TMEM168: variants seen among roughly 807,000 people sequenced by gnomAD.
The protein encoded by TMEM168 is transmembrane protein 168.
TMEM168 carries 40 observed loss-of-function variants against 53.2 expected under a neutral mutation model. That is an observed-to-expected ratio of 0.75 (90% CI 0.58 to 0.98). The LOEUF is 0.98. Ranked by LOEUF, TMEM168 falls within the 50% of genes least tolerant of loss-of-function variation. TMEM168 has a pLI of 0.00. For missense variants in TMEM168, 771 were observed against 828.8 expected (o/e 0.93, Z 0.86); for synonymous variants, 282 against 293.0 (o/e 0.96, Z 0.38).
chr7:112,784,120 C>T lies in TMEM168; in HGVS notation c.706G>A (p.Asp236Asn), dbSNP rs1380222712. 6.2e-7 allele frequency: 1 copy of T among 1,613,704 alleles called. No homozygotes were observed. Among genetic ancestry groups the T allele is most frequent in the African/African-American group, 1.3e-5 (1 of 74,868 alleles). Reference sequence around the variant, plus strand: ...CTAAAATAAATGTCAAGGAAAGGATCAGTTATCAGGCAAATAAAAAAACAC... The same window carrying T: ...CTAAAATAAATGTCAAGGAAAGGATTAGTTATCAGGCAAATAAAAAAACAC... ...FACFFICLIT[D>N]PFLDIYFSGL... Residue 236 changes from aspartate (D) to asparagine (N), a missense_variant, in exon 2 of 5, where the codon GAT becomes AAT. Asp to Asn is a conservative substitution (Grantham distance 23). Transcript: ENST00000312814.
At chr7:112,789,300 T>C (rs915077445) in intron 1 of TMEM168, among the ~76,000 whole-genome samples, 4 of 152,100 alleles carry the variant, frequency 2.6e-5, no homozygotes, top group Non-Finnish European at 4.4e-5. Context: ...CATGTCTGCA[T>C]TTCCCACTAG....
intron 1 of TMEM168, among the ~76,000 whole-genome samples, chr7:112,787,064 C>T (rs1468613695): frequency 1.3e-5 from 2 of 152,178 alleles, no homozygotes; most frequent in African/African-American, 2.4e-5. Flanking sequence ...AGACTCTCTC[C>T]TCTCTCTGCA....
intron 2 of TMEM168, among the ~76,000 whole-genome samples, chr7:112,783,150 TTC>T (rs1242995863): frequency 6.6e-6 from 1 of 152,268 alleles, no homozygotes; most frequent in Non-Finnish European, 1.5e-5. Context: ...AACCCATGTT[TTC>T]TTTCTTAGGA....
intron 1 of TMEM168, among the ~76,000 whole-genome samples, chr7:112,787,713 A>ATTTTTTTTTTTTTTTTTTTTTTTT (rs71155069): frequency 5.2e-5 from 2 of 38,788 alleles, no homozygotes; most frequent in African/African-American, 1.1e-4. Context: ...TGCGACTGGC[A>ATTTTTTTTTTTTTTTTTTTTTTTT]TTTTTTTTTT....
In TMEM168 at chr7:112,765,075, C is replaced by CAA. The variant is rs1792742100; in HGVS notation, c.*2120_*2121dup. The CAA allele has an allele frequency of 6.6e-6, 1 of 152,248 alleles. No individual in the cohort carries two copies. The highest frequency in any genetic ancestry group is 6.5e-5 in the Admixed American group (1 of 15,282). The allele number at this position is 152,248 out of a possible 1,614,324, so 9.4% of individuals were successfully genotyped here. A position where few individuals can be genotyped will look rare whatever the true frequency, so the allele number is the denominator to read the frequency against. ...AAGTGATCCACCCACCTAGGCCTCCCAAAGTGCTGGGATTACAGGCGTGAG... is the reference window on the plus strand; with the variant it reads ...AAGTGATCCACCCACCTAGGCCTCCCAAAAAGTGCTGGGATTACAGGCGTGAG... On this transcript the variant is annotated 3_prime_UTR_variant, in exon 5 of 5. Coordinates refer to ENST00000312814, the MANE Select transcript of TMEM168 (RefSeq NM_022484.6).
Position 112,784,654 on chromosome 7 carries a change from T to C in TMEM168, c.172A>G (p.Lys58Glu). ...ICLGLYVRWE[K>E]TANSLILVIF... Reference sequence around the variant, plus strand: ...ACCAAAATTAAGGAATTTGCTGTTTTTTCCCATCTTACGTATAGACCTAAG... The same window carrying C: ...ACCAAAATTAAGGAATTTGCTGTTTCTTCCCATCTTACGTATAGACCTAAG... The change falls in exon 2 of 5, where the codon AAA becomes GAA. Residue 58 changes from lysine (K) to glutamate (E), a missense_variant. By Grantham distance (56) the Lys-to-Glu change is moderately conservative. Coordinates refer to ENST00000312814, the MANE Select transcript of TMEM168 (RefSeq NM_022484.6). The C allele has an allele frequency of 6.2e-7, 1 of 1,612,258 alleles. No individual in the cohort carries two copies. Among genetic ancestry groups the C allele is most frequent in the Non-Finnish European group, 8.5e-7 (1 of 1,179,562 alleles).
chr7:112,776,854 A>G (rs555469756), intron 2 of TMEM168, among the ~76,000 whole-genome samples: 15 of 152,134 alleles, frequency 9.9e-5, no homozygotes, highest in African/African-American at 3.6e-4. Flanking sequence ...TGGCATTCCT[A>G]TGATACATAT....
chr7:112,787,713 A>ATTTTTTTTTTTTTTTTTTT lies in TMEM168; in HGVS notation c.-129+2428_-129+2446dup, dbSNP rs71155069. Among the ~76,000 whole-genome samples the ATTTTTTTTTTTTTTTTTTT allele has an allele frequency of 2.8e-4, 11 of 38,788 alleles. 1 individual carries two copies. Among genetic ancestry groups the ATTTTTTTTTTTTTTTTTTT allele is most frequent in the African/African-American group, 6.4e-4 (6 of 9,356 alleles). The allele number at this position is 38,788 out of a possible 152,430, so 25.4% of individuals were successfully genotyped here. ...ACAGGCGTGAGCCACTGCGACTGGC[A>ATTTTTTTTTTTTTTTTTTT]TTTTTTTTTTTTTTTTTTTTTTTTT... On this transcript the variant is annotated intron_variant, in intron 1 of 4. Transcript: ENST00000312814.
chr7:112,777,462 C>A (rs192835704), intron 2 of TMEM168, among the ~76,000 whole-genome samples: 3 of 152,156 alleles, frequency 2.0e-5, no homozygotes, highest in Non-Finnish European at 4.4e-5. Flanking sequence ...TATTCTTTCA[C>A]ATATTTCCTT....
intron 2 of TMEM168, among the ~76,000 whole-genome samples, chr7:112,780,394 T>C (rs1460494473): frequency 6.6e-6 from 1 of 152,226 alleles, no homozygotes; most frequent in East Asian, 1.9e-4. Context: ...CAAAGGTTTA[T>C]AGCAGCTTTA....
In TMEM168 at chr7:112,783,766, A is replaced by G. The variant is rs529803395; in HGVS notation, c.1060T>C (p.Leu354=). ...MASKGMRHFC[L]ISEQLVFFSL... ...AAGAACACCAACTGCTCTGAAATCA[A>G]GCAAAAATGGCGCATCCCTTTGGAT... Residue 354 remains leucine (L), a synonymous_variant, in exon 2 of 5, where the codon TTG becomes CTG. Transcript: ENST00000312814. 5.1e-6 allele frequency: 8 copies of G among 1,580,216 alleles called. No homozygotes were observed. The African/African-American group carries it at 1.1e-4, about 22-fold the overall frequency.
chr7:112,783,106 T>G (rs1793273549), intron 2 of TMEM168, among the ~76,000 whole-genome samples: 1 of 152,236 alleles, frequency 6.6e-6, no homozygotes, highest in Non-Finnish European at 1.5e-5. Context: ...AAGAACCTTT[T>G]AGAAAACATT....
chr7:112,785,527 T>TA (rs1048563412), intron 1 of TMEM168, among the ~76,000 whole-genome samples: 55 of 152,372 alleles, frequency 3.6e-4, no homozygotes, highest in African/African-American at 1.3e-3. Context: ...GTCCCTAAAG[T>TA]TGAGCCATAA....
Position 112,775,192 on chromosome 7 carries a change from G to C in TMEM168, c.1255C>G (p.Pro419Ala). Residue 419 changes from proline to alanine, a missense_variant, in exon 3 of 5, where the codon CCC becomes GCC. Pro to Ala is a conservative substitution (Grantham distance 27). Transcript: ENST00000312814. ...TTACTGTACCTGCAGAAGTTGGTGG[G>C]AATCACAATAGCATATCCAACAGAT... ...GTSVGYAIVI[P>A]TNFCSPDGQP... The C allele has an allele frequency of 1.2e-6, 2 of 1,606,374 alleles. No individual in the cohort carries two copies. Among genetic ancestry groups the C allele is most frequent in the East Asian group, 2.2e-5 (1 of 44,520 alleles).
At position 112,763,450 on chromosome 7, in the gene TMEM168, G is replaced by A. The variant is rs1792704041; in HGVS notation, c.*3747C>T. ...TCATTACGGACAAGGCACTCTTCTC[G>A]GTAACTGTGTACCAGAAATACCAAC... On this transcript the variant is annotated 3_prime_UTR_variant, in exon 5 of 5. Transcript: ENST00000312814. 1 of 151,876 alleles carries A rather than the reference G, an allele frequency of 6.6e-6. No homozygotes were observed. The highest frequency in any genetic ancestry group is 1.5e-5 in the Non-Finnish European group (1 of 67,934). The allele number at this position is 151,876 out of a possible 1,614,324, so 9.4% of individuals were successfully genotyped here.
chr7:112,785,022 C>A, intron 1 of TMEM168, 69 bp from the exon 2 acceptor site: 1 of 422,324 alleles, frequency 2.4e-6, no homozygotes, highest in Non-Finnish European at 4.0e-6. Context: ...TATAAAGATG[C>A]ATATAGAAAG....
chr7:112,789,920 C>T (rs911646061), intron 1 of TMEM168, among the ~76,000 whole-genome samples: 2 of 152,262 alleles, frequency 1.3e-5, no homozygotes, highest in African/African-American at 4.8e-5. Flanking sequence ...CCACCATCCT[C>T]TGCCTCGGAG....
At position 112,772,974 on chromosome 7, in the gene TMEM168, G is replaced by A. The variant is rs1792968517; in HGVS notation, c.1353C>T (p.Ile451=). The part of the protein sequence containing the change: ...NLRSTGMLNA[I]QRFFAYHMIE... Reference sequence around the variant, plus strand: ...TCATATGATATGCAAAAAATCTTTGGATAGCATTGAGCATGCCAGTAGACC... The same window carrying A: ...TCATATGATATGCAAAAAATCTTTGAATAGCATTGAGCATGCCAGTAGACC... Residue 451 remains isoleucine, a synonymous_variant, in exon 4 of 5, where the codon ATC becomes ATT. Coordinates refer to ENST00000312814, the MANE Select transcript of TMEM168 (RefSeq NM_022484.6). 1 of 1,613,914 alleles carries A rather than the reference G, an allele frequency of 6.2e-7. No individual in the cohort carries two copies. The highest frequency in any genetic ancestry group is 1.3e-5 in the African/African-American group (1 of 74,922).
intron 2 of TMEM168, among the ~76,000 whole-genome samples, chr7:112,775,720 T>C (rs557567914): frequency 6.6e-6 from 1 of 152,268 alleles, no homozygotes; most frequent in South Asian, 2.1e-4. Context: ...ACAGATTTAT[T>C]TACTTTATCA....
Sources: gnomAD v4.1 joint callset for allele counts (sites outside exome capture counted in the v4.1 genomes callset) on GRCh38, gnomAD v4.1.1 for gene constraint, MANE v1.5 for transcripts, NCBI Gene and HGNC (gene_info 2026-07-23, HGNC 2026-07-21) for gene names.